Variants in KDM3A observed in about 807,000 individuals in gnomAD.
The protein encoded by KDM3A is lysine-specific demethylase 3A.
Under a neutral mutation model 158.0 loss-of-function variants are expected in KDM3A, and 60 were observed. That is an observed-to-expected ratio of 0.38 (90% CI 0.31 to 0.47). The LOEUF (loss-of-function observed/expected upper bound fraction) is 0.47. Ranked by LOEUF, KDM3A falls within the 20% of genes least tolerant of loss-of-function variation. The probability of loss-of-function intolerance (pLI) is 0.99; values close to 1 mark genes in which losing one functional copy is unlikely to be tolerated. For synonymous variants in KDM3A, 608 were observed against 549.3 expected, an observed-to-expected ratio of 1.11 and a Z score of -1.49; for missense variants, 1,319 against 1,574.3, an observed-to-expected ratio of 0.84 and a Z score of 2.74.
chr2:86,481,041 A>G (rs575487070), intron 16 of KDM3A, among the ~76,000 whole-genome samples: 2 of 152,270 alleles, frequency 1.3e-5, no homozygotes, highest in South Asian at 2.1e-4. Flanking sequence ...AAGTTTTTCA[A>G]GGTTTTTCCA....
chr2:86,440,406 A>T (rs1682630630), upstream of KDM3A, among the ~76,000 whole-genome samples: 1 of 152,166 alleles, frequency 6.6e-6, no homozygotes, highest in Non-Finnish European at 1.5e-5. Flanking sequence ...CAATTTCTTC[A>T]TTCCATTTCT....
Position 86,455,135 on chromosome 2 carries a change from A to T in KDM3A, c.504A>T (p.Lys168Asn), listed in dbSNP as rs1672634814. The change falls in exon 5 of 26, where the codon AAA becomes AAT. Residue 168 changes from lysine (K) to asparagine (N), a missense_variant. By Grantham distance (94) the Lys-to-Asn change is moderately conservative. Around this residue, in one of 4 missense-constraint regions of KDM3A, gnomAD observed 652 missense variants for 627.2 expected, o/e 1.04. Transcript: ENST00000312912. ...TTACGGATAATCAGATTGTCAGTAAAGAATTTCAAGCTTTGATTGTGAAGC... is the reference window on the plus strand; with the variant it reads ...TTACGGATAATCAGATTGTCAGTAATGAATTTCAAGCTTTGATTGTGAAGC... ...LSLTDNQIVS[K>N]EFQALIVKHL... is the part of the protein sequence containing the mutation. The T allele has an allele frequency of 6.2e-7, 1 of 1,607,366 alleles. No individual in the cohort carries two copies. Among genetic ancestry groups the T allele is most frequent in the Non-Finnish European group, 8.5e-7 (1 of 1,177,312 alleles).
At chr2:86,445,022 T>C (rs1682898344) in intron 2 of KDM3A, among the ~76,000 whole-genome samples, 2 of 152,174 alleles carry the variant, frequency 1.3e-5, no homozygotes, top group South Asian at 4.1e-4. Context: ...CTCACAAATA[T>C]CCTAGATGGT....
At chr2:86,472,006 T>C (rs910087278) in intron 11 of KDM3A, among the ~76,000 whole-genome samples, 3 of 152,216 alleles carry the variant, frequency 2.0e-5, no homozygotes, top group Non-Finnish European at 2.9e-5. Context: ...TTTGTACAGG[T>C]CTTTGTGTTT....
rs1673752306 is a variant in KDM3A, at chr2:86,478,191, C to T, written c.2114C>T (p.Ser705Phe). 7 of 1,613,998 alleles carry T rather than the reference C, an allele frequency of 4.3e-6. No homozygotes were observed. Among genetic ancestry groups the T allele is most frequent in the Non-Finnish European group, 5.9e-6 (7 of 1,179,876 alleles). Residue 705 changes from serine to phenylalanine, a missense_variant, in exon 14 of 26, where the codon TCT becomes TTT. Transcript: ENST00000312912. ...CQQGAAYKTFSWLKCVKSQIH... is the reference protein window; with the variant it reads ...CQQGAAYKTFFWLKCVKSQIH... ...GCAGGTGCTGCTTACAAGACTTTCT[C>T]TTGGCTAAAATGTGTGAAGAGTCAG...
intron 8 of KDM3A, among the ~76,000 whole-genome samples, chr2:86,463,145 A>C (rs1485841323): frequency 6.6e-6 from 1 of 152,202 alleles, no homozygotes; most frequent in Non-Finnish European, 1.5e-5. Flanking sequence ...CAAACTTTAG[A>C]AGTTAATGAC....
At chr2:86,452,804 A>T (rs1027428128) in intron 4 of KDM3A, among the ~76,000 whole-genome samples, 2 of 152,178 alleles carry the variant, frequency 1.3e-5, no homozygotes, top group Non-Finnish European at 2.9e-5. Context: ...ATACTTCCAT[A>T]TCTGGAAAGT....
At chr2:86,473,377 C>G (rs1673503331) in intron 11 of KDM3A, among the ~76,000 whole-genome samples, 1 of 152,006 alleles carries the variant, frequency 6.6e-6, no homozygotes, top group Admixed American at 6.6e-5. Context: ...GTTCTCTGGG[C>G]TGGTCTCAAA....
At position 86,442,187 on chromosome 2, in the gene KDM3A, C is replaced by T. The variant is rs570618403; in HGVS notation, c.140C>T (p.Thr47Ile). The T allele has an allele frequency of 1.7e-5, 27 of 1,613,414 alleles. No individual in the cohort carries two copies. In the South Asian group the frequency reaches 2.6e-4, roughly 16 times the overall value. The change falls in exon 2 of 26, where the codon ACC becomes ATC. Residue 47 changes from threonine (T) to isoleucine (I), a missense_variant. This residue lies in a region of KDM3A where 652 missense variants were observed against 627.2 expected (regional missense o/e 1.04). Coordinates refer to ENST00000312912, the MANE Select transcript of KDM3A (RefSeq NM_018433.6). ...RVAEWPWLSG[T>I]IRAVSHTDVT... Reference sequence around the variant, plus strand: ...GCCGAGTGGCCCTGGCTCTCCGGGACCATTCGAGCTGTTTCCCACACCGAC... The same window carrying T: ...GCCGAGTGGCCCTGGCTCTCCGGGATCATTCGAGCTGTTTCCCACACCGAC...
intron 8 of KDM3A, among the ~76,000 whole-genome samples, chr2:86,459,718 T>G (rs575323014): frequency 1.3e-5 from 2 of 152,162 alleles, no homozygotes; most frequent in Admixed American, 1.3e-4. Flanking sequence ...TAGACATATA[T>G]GATATGATCC....
At chr2:86,461,556 C>T (rs910192231) in intron 8 of KDM3A, among the ~76,000 whole-genome samples, 4 of 152,080 alleles carry the variant, frequency 2.6e-5, no homozygotes, top group Non-Finnish European at 5.9e-5. Context: ...GGGCCTCTGC[C>T]CATAAACAGT....
At chr2:86,470,036 C>T (rs1254603639) in intron 10 of KDM3A, among the ~76,000 whole-genome samples, 168 bp from the exon 11 acceptor site, 1 of 152,122 alleles carries the variant, frequency 6.6e-6, no homozygotes, top group African/African-American at 2.4e-5. Flanking sequence ...CCCAGTTATT[C>T]TGATAGTTGT....
chr2:86,491,760 C>T (rs1674466668), intron 25 of KDM3A: 2 of 397,442 alleles, frequency 5.0e-6, no homozygotes, highest in Non-Finnish European at 4.5e-6. Context: ...AAAGCTGTAC[C>T]TTGGAACTTG....
chr2:86,480,521 C>G (rs1489537510), intron 16 of KDM3A, among the ~76,000 whole-genome samples, 159 bp downstream of exon 16: 1 of 152,148 alleles, frequency 6.6e-6, no homozygotes, highest in Non-Finnish European at 1.5e-5. Flanking sequence ...AATGCAGCAC[C>G]AAAGAGGAGA....
intron 4 of KDM3A, among the ~76,000 whole-genome samples, chr2:86,453,615 C>T (rs79646567): frequency 0.028 from 4,259 of 152,200 alleles, 111 homozygotes; most frequent in East Asian, 0.062. Context: ...TTGATACATA[C>T]TTTCATCTTG....
Position 86,442,002 on chromosome 2 carries a change from T to C in KDM3A, c.-30-16T>C, listed in dbSNP as rs372709230. 2.3e-4 allele frequency: 359 copies of C among 1,586,648 alleles called. No individual in the cohort carries two copies. The highest frequency in any genetic ancestry group is 3.0e-4 in the Non-Finnish European group (343 of 1,159,754). On this transcript the variant is annotated splice_polypyrimidine_tract_variant and intron_variant, in intron 1 of 25. Transcript: ENST00000312912. ...ACCGGCCGCCCCCGTCGCATTTTGT[T>C]TTTGTGTTTTTGCAGGGAGGAGCTC... is the stretch of plus-strand genomic sequence containing the variant.
chr2:86,469,055 T>C (rs1673283170), intron 10 of KDM3A, among the ~76,000 whole-genome samples: 1 of 152,226 alleles, frequency 6.6e-6, no homozygotes, highest in South Asian at 2.1e-4. Context: ...CTAATCTCTT[T>C]ATTTTCTCTC....
chr2:86,454,389 A>G (rs1672599677), intron 4 of KDM3A, among the ~76,000 whole-genome samples: 1 of 152,138 alleles, frequency 6.6e-6, no homozygotes, highest in South Asian at 2.1e-4. Flanking sequence ...TGGGTTTACT[A>G]ATGGGAATAT....
intron 4 of KDM3A, among the ~76,000 whole-genome samples, chr2:86,452,020 A>G (rs940378571): frequency 6.6e-6 from 1 of 152,162 alleles, no homozygotes; most frequent in Non-Finnish European, 1.5e-5. Flanking sequence ...CCAAATCAAT[A>G]CTTGTGGTGG....
Sources: gnomAD v4.1 joint callset for allele counts (sites outside exome capture counted in the v4.1 genomes callset) on GRCh38, gnomAD v4.1.1 for gene constraint, gnomAD v4.1.1 regional missense constraint, MANE v1.5 for transcripts, NCBI Gene and HGNC (gene_info 2026-07-23, HGNC 2026-07-21) for gene names.